Variants in XRN1 observed in about 807,000 individuals in gnomAD.
The protein encoded by XRN1 is strand-exchange protein 1 homolog.
XRN1 carries 67 observed loss-of-function variants against 222.3 expected under a neutral mutation model. That is an observed-to-expected ratio of 0.30 (90% confidence interval 0.25 to 0.37). The LOEUF (loss-of-function observed/expected upper bound fraction) is 0.37. XRN1 is among the 10% of genes least tolerant of loss of function. The probability of loss-of-function intolerance (pLI) is 1.00; values close to 1 mark genes in which losing one functional copy is unlikely to be tolerated. For missense variants in XRN1, 1,707 were observed against 2,000.2 expected (o/e 0.85, Z 2.80); for synonymous variants, 643 against 652.4 (o/e 0.99, Z 0.22).
intron 32 of XRN1, among the ~76,000 whole-genome samples, chr3:142,349,843 T>G (rs2066255424): frequency 6.6e-6 from 1 of 152,068 alleles, no homozygotes; most frequent in Non-Finnish European, 1.5e-5. Flanking sequence ...AAATAAACAA[T>G]GAAATAGCAC....
chr3:142,444,225 A>C (rs953344311), intron 1 of XRN1, among the ~76,000 whole-genome samples: 6 of 152,230 alleles, frequency 3.9e-5, no homozygotes, highest in African/African-American at 1.4e-4. Flanking sequence ...CGGGCAGATC[A>C]CTTGAGCCCA....
In XRN1 at chr3:142,432,745, A is replaced by G; in HGVS notation, c.224T>C (p.Ile75Thr). The G allele has an allele frequency of 5.0e-6, 8 of 1,613,774 alleles. No homozygotes were observed. Among genetic ancestry groups the G allele is most frequent in the South Asian group, 3.3e-5 (3 of 90,974 alleles). The change falls in exon 2 of 41, where the codon ATT (isoleucine) becomes ACT (threonine). Residue 75 changes from isoleucine (I) to threonine (T), a missense_variant. Ile to Thr is a moderately conservative substitution (Grantham distance 89). Transcript: ENST00000392981. ...CATAAAGAACACTTTCCTGGGTTTAATAATGCGAAACAACACCTCCAGGTA... is the reference window on the plus strand; with the variant it reads ...CATAAAGAACACTTTCCTGGGTTTAGTAATGCGAAACAACACCTCCAGGTA... ...FHYLEVLFRI[I>T]KPRKVFFMAV...
rs373876715 is a variant in XRN1, at chr3:142,418,849, T to C, written c.1206A>G (p.Leu402=). 1.9e-6 allele frequency: 3 copies of C among 1,614,062 alleles called. No homozygotes were observed. The highest frequency in any genetic ancestry group is 1.3e-5 in the African/African-American group (1 of 75,058). ...GQENSLCWTA[L]DKNEGEMITS... Reference sequence around the variant, plus strand: ...TTATCATTTCGCCTTCATTTTTGTCTAAAGCAGTCCAACACAGAGAATTTT... The same window carrying C: ...TTATCATTTCGCCTTCATTTTTGTCCAAAGCAGTCCAACACAGAGAATTTT... Residue 402 remains leucine (L), a synonymous_variant, in exon 11 of 41, where the codon TTA becomes TTG. Coordinates refer to ENST00000392981, the MANE Select transcript of XRN1 (RefSeq NM_001282857.2).
intron 15 of XRN1, among the ~76,000 whole-genome samples, chr3:142,407,058 T>C (rs146589241): frequency 9.0e-4 from 137 of 152,366 alleles, no homozygotes; most frequent in African/African-American, 3.1e-3. Context: ...ACAGCAAGTT[T>C]ACACTTATGC....
intron 19 of XRN1, among the ~76,000 whole-genome samples, chr3:142,398,261 A>G (rs2068001034): frequency 6.6e-6 from 1 of 150,978 alleles, no homozygotes; most frequent in Non-Finnish European, 1.5e-5. Context: ...GTCAGTCAAT[A>G]AAATTTAAAA....
intron 16 of XRN1, 66 bp from the exon 17 acceptor site, chr3:142,404,055 T>C: frequency 3.0e-6 from 4 of 1,352,304 alleles, no homozygotes; most frequent in Non-Finnish European, 4.1e-6. Context: ...GTTTTTTAAC[T>C]TTCCCTTGTA....
chr3:142,367,945 G>A (rs1377685723), intron 27 of XRN1, among the ~76,000 whole-genome samples: 14 of 149,326 alleles, frequency 9.4e-5, no homozygotes, highest in Non-Finnish European at 7.4e-5. Context: ...AATCCTGAAA[G>A]AAAAAAAAAA....
At chr3:142,379,567 T>A (rs2067240949) in intron 23 of XRN1, among the ~76,000 whole-genome samples, 1 of 152,320 alleles carries the variant, frequency 6.6e-6, no homozygotes, top group African/African-American at 2.4e-5. Context: ...GAACCTTCCC[T>A]CTATTTTAAC....
intron 15 of XRN1, among the ~76,000 whole-genome samples, chr3:142,408,741 G>C (rs889089318): frequency 2.0e-5 from 3 of 152,126 alleles, no homozygotes; most frequent in Non-Finnish European, 4.4e-5. Context: ...CTAGGGTTAG[G>C]TGTATAATTT....
chr3:142,364,415 T>G, intron 29 of XRN1, among the ~76,000 whole-genome samples: 1 of 152,320 alleles, frequency 6.6e-6, no homozygotes, highest in East Asian at 1.9e-4. Context: ...ATTTAGCTGC[T>G]GCTTCCTTAT....
At chr3:142,312,835 C>T in intron 39 of XRN1, 77 bp from the exon 40 acceptor site, 1 of 1,466,844 alleles carries the variant, frequency 6.8e-7, no homozygotes, top group Non-Finnish European at 9.2e-7. Flanking sequence ...CCTCCTTCTG[C>T]TAGCCTTTTT....
At chr3:142,397,810 G>A (rs2067984749) in intron 19 of XRN1, among the ~76,000 whole-genome samples, 1 of 152,126 alleles carries the variant, frequency 6.6e-6, no homozygotes, top group Non-Finnish European at 1.5e-5. Context: ...TTTGAAAATA[G>A]CCAGAAGAGA....
At chr3:142,333,334 A>G (rs535090513) in intron 34 of XRN1, among the ~76,000 whole-genome samples, 39 of 152,288 alleles carry the variant, frequency 2.6e-4, no homozygotes, top group Non-Finnish European at 4.9e-4. Context: ...GCTTAATATT[A>G]TATTTGGCAG....
At chr3:142,384,134 T>A (rs888787345) in intron 21 of XRN1, among the ~76,000 whole-genome samples, 2 of 151,952 alleles carry the variant, frequency 1.3e-5, no homozygotes, top group African/African-American at 4.8e-5. Context: ...TAGCCAGGTG[T>A]GCTGGCGGGC....
chr3:142,339,941 G>T (rs1282506305), intron 33 of XRN1, among the ~76,000 whole-genome samples: 1 of 152,182 alleles, frequency 6.6e-6, no homozygotes, highest in Non-Finnish European at 1.5e-5. Context: ...TAATTAAAAA[G>T]AATCAAGCAG....
intron 36 of XRN1, among the ~76,000 whole-genome samples, chr3:142,330,340 AG>A (rs2065659194): frequency 6.6e-6 from 1 of 152,152 alleles, no homozygotes; most frequent in African/African-American, 2.4e-5. Flanking sequence ...ATTTCTTAAA[AG>A]TTTTTTTTGA....
chr3:142,431,899 ATAT>A (rs1353640215), intron 2 of XRN1, among the ~76,000 whole-genome samples: 1 of 32,808 alleles, frequency 3.0e-5, no homozygotes, highest in Non-Finnish European at 5.3e-5. Context: ...TATAATATAT[ATAT>A]TATATATATA....
intron 23 of XRN1, 47 bp from the exon 24 acceptor site, chr3:142,376,641 C>A: frequency 7.5e-7 from 1 of 1,325,616 alleles, no homozygotes; most frequent in Non-Finnish European, 1.1e-6. Flanking sequence ...CACAAGTTTA[C>A]ATTAAATGTT....
intron 1 of XRN1, chr3:142,435,186 G>A (rs1436558451): frequency 6.6e-6 from 1 of 152,032 alleles, no homozygotes; most frequent in Non-Finnish European, 1.5e-5. Flanking sequence ...ACGAGGTCAG[G>A]AGATCGCGAC....
Sources: allele counts gnomAD v4.1 joint callset (sites outside exome capture counted in the v4.1 genomes callset), GRCh38; gene constraint gnomAD v4.1.1; transcripts MANE v1.5; gene names NCBI Gene and HGNC (gene_info 2026-07-23, HGNC 2026-07-21).